The following IGSF21 variants were observed in gnomAD, a reference collection of about 807,000 sequenced individuals.
The protein encoded by IGSF21 is immunoglobin superfamily member 21.
In IGSF21, 28 loss-of-function variants were observed where a neutral mutation model predicts 46.8. That is an observed-to-expected ratio of 0.60 (90% CI 0.44 to 0.82). The LOEUF is 0.82. Ranked by LOEUF, IGSF21 falls within the 40% of genes least tolerant of loss-of-function variation. The pLI is 0.00. For synonymous variants in IGSF21, 284 were observed against 273.6 expected (o/e 1.04, Z -0.38); for missense variants, 624 against 665.5 (o/e 0.94, Z 0.69).
At chr1:18,121,891 C>T (rs772014444) in intron 1 of IGSF21, among the ~76,000 whole-genome samples, 5 of 152,208 alleles carry the variant, frequency 3.3e-5, no homozygotes, top group South Asian at 4.1e-4. Flanking sequence ...GATGAGGACT[C>T]ATTTTCCAGT....
intron 1 of IGSF21, among the ~76,000 whole-genome samples, chr1:18,159,223 G>A (rs2086594642): frequency 6.6e-6 from 1 of 152,238 alleles, no homozygotes; most frequent in Non-Finnish European, 1.5e-5. Flanking sequence ...ATGATCAGTA[G>A]GCTGGACTTG....
rs557729602 is a variant in IGSF21, at chr1:18,335,767, T to A, written c.424+757T>A. Among the ~76,000 whole-genome samples the A allele has an allele frequency of 2.6e-5, 4 of 152,270 alleles. No individual in the cohort carries two copies. Among genetic ancestry groups the A allele is most frequent in the South Asian group, 4.2e-4 (2 of 4,816 alleles). ...AAGCTTGCGGTACACAGGCAATCGA[T>A]GAAAGCATAAAGGCCCTGCTGAAAG... On this transcript the variant is annotated intron_variant, in intron 4 of 9. Transcript: ENST00000251296. The surrounding 1 kb of genome is among the most constrained non-coding windows in gnomAD (Gnocchi z 4.8).
At chr1:18,211,752 T>C (rs2084393441) in intron 1 of IGSF21, among the ~76,000 whole-genome samples, 1 of 152,250 alleles carries the variant, frequency 6.6e-6, no homozygotes, top group Admixed American at 6.5e-5. Flanking sequence ...TAACTATTTT[T>C]CTTTTAAAAT....
At chr1:18,228,147 GGTC>G (rs1457654614) in intron 2 of IGSF21, 137 bp downstream of exon 2, 2 of 657,634 alleles carry the variant, frequency 3.0e-6, no homozygotes, top group Non-Finnish European at 5.5e-6. Flanking sequence ...GCATCTGCTG[GGTC>G]CCCGCCCTCT....
At chr1:18,144,939 T>C (rs974730605) in intron 1 of IGSF21, among the ~76,000 whole-genome samples, 2 of 152,226 alleles carry the variant, frequency 1.3e-5, no homozygotes, top group African/African-American at 4.8e-5. Flanking sequence ...TGAGTGATTA[T>C]GATGGGTGAG....
At chr1:18,191,466 G>C (rs544794993) in intron 1 of IGSF21, among the ~76,000 whole-genome samples, 13 of 152,140 alleles carry the variant, frequency 8.5e-5, no homozygotes, top group Non-Finnish European at 1.6e-4. Context: ...CGGAGCAGGA[G>C]ATTATGTGAG....
At chr1:18,214,976 G>A (rs1354998633) in intron 1 of IGSF21, among the ~76,000 whole-genome samples, 10 of 152,280 alleles carry the variant, frequency 6.6e-5, no homozygotes, top group East Asian at 5.8e-4. Flanking sequence ...TCTTGACCTC[G>A]TGATCCGCCC....
chr1:18,156,468 C>T (rs1215934154), intron 1 of IGSF21, among the ~76,000 whole-genome samples: 1 of 152,138 alleles, frequency 6.6e-6, no homozygotes, highest in Non-Finnish European at 1.5e-5. Flanking sequence ...AAATGCAGTC[C>T]CCTGGCTCTA....
At chr1:18,315,884 G>A (rs928717432) in intron 3 of IGSF21, among the ~76,000 whole-genome samples, 4 of 151,880 alleles carry the variant, frequency 2.6e-5, no homozygotes, top group Admixed American at 2.6e-4. Context: ...GAAGTGAGTG[G>A]ATGGATGGAT....
intron 2 of IGSF21, among the ~76,000 whole-genome samples, chr1:18,273,241 A>G (rs1257516722): frequency 1.3e-5 from 2 of 151,330 alleles, no homozygotes; most frequent in Non-Finnish European, 2.9e-5. Flanking sequence ...GGGTTTCACC[A>G]TATTGGCCAG....
intron 6 of IGSF21, among the ~76,000 whole-genome samples, chr1:18,366,300 T>A (rs551702042): frequency 6.6e-6 from 1 of 152,158 alleles, no homozygotes; most frequent in African/African-American, 2.4e-5. Flanking sequence ...TCGGGTTTCT[T>A]CAGGAAGGGT....
chr1:18,252,672 G>A (rs1339505674), intron 2 of IGSF21, among the ~76,000 whole-genome samples: 6 of 152,204 alleles, frequency 3.9e-5, no homozygotes, highest in Admixed American at 3.9e-4. Flanking sequence ...TGGAAGAGGA[G>A]GAAGGGAATC....
At chr1:18,164,414 CA>C (rs771489856) in intron 1 of IGSF21, among the ~76,000 whole-genome samples, 21 of 151,878 alleles carry the variant, frequency 1.4e-4, no homozygotes, top group Non-Finnish European at 2.9e-4. Flanking sequence ...TCCCTCCATC[CA>C]TCTTTCCTTT....
chr1:18,376,908 G>A lies in IGSF21; in HGVS notation c.1210G>A (p.Ala404Thr), dbSNP rs147858658. 4.7e-5 allele frequency: 75 copies of A among 1,612,850 alleles called. No homozygotes were observed. The South Asian group carries it at 6.6e-4, about 14-fold the overall frequency. Residue 404 changes from alanine (A) to threonine (T), a missense_variant, in exon 8 of 10, where the codon GCC (alanine) becomes ACC (threonine). Physicochemically the swap from Ala to Thr is moderately conservative, Grantham distance 58. Coordinates refer to ENST00000251296, the MANE Select transcript of IGSF21 (RefSeq NM_032880.5). ...GGAGCTGGTGCTGGAGCGGGTTCCCGCCGAGCTCAATGGCTCCATGTATCG... is the reference window on the plus strand; with the variant it reads ...GGAGCTGGTGCTGGAGCGGGTTCCCACCGAGCTCAATGGCTCCATGTATCG... Reference protein sequence around the residue: ...GKELVLERVPAELNGSMYRCT... With the variant: ...GKELVLERVPTELNGSMYRCT...
intron 6 of IGSF21, among the ~76,000 whole-genome samples, chr1:18,371,911 G>C (rs1006117820): frequency 6.6e-6 from 1 of 152,310 alleles, no homozygotes; most frequent in Non-Finnish European, 1.5e-5. Flanking sequence ...ATTGAGATTT[G>C]GTTTTAGATG....
chr1:18,292,619 T>C (rs1455170920), intron 3 of IGSF21, among the ~76,000 whole-genome samples: 1 of 152,126 alleles, frequency 6.6e-6, no homozygotes, highest in South Asian at 2.1e-4. Context: ...TCTATCTCCT[T>C]CCCACAAACT....
intron 1 of IGSF21, among the ~76,000 whole-genome samples, chr1:18,145,426 A>C (rs553843022): frequency 6.6e-6 from 1 of 152,190 alleles, no homozygotes; most frequent in Admixed American, 6.5e-5. Flanking sequence ...CTCCGCTGTA[A>C]AATCCACCTC....
intron 4 of IGSF21, among the ~76,000 whole-genome samples, chr1:18,351,170 T>C (rs1224077524): frequency 6.6e-6 from 1 of 152,048 alleles, no homozygotes. Flanking sequence ...TGACTCTCGG[T>C]TGACACCTTT....
At chr1:18,366,669 G>A (rs926906710) in intron 6 of IGSF21, among the ~76,000 whole-genome samples, 1 of 152,132 alleles carries the variant, frequency 6.6e-6, no homozygotes, top group African/African-American at 2.4e-5. Context: ...TATCACTCCG[G>A]CTTACACTTT....
Sources: gnomAD v4.1 joint callset for allele counts (sites outside exome capture counted in the v4.1 genomes callset) on GRCh38, gnomAD v4.1.1 for gene constraint, Gnocchi (gnomAD v3.1) non-coding constraint, MANE v1.5 for transcripts, NCBI Gene and HGNC (gene_info 2026-07-23, HGNC 2026-07-21) for gene names.